The following RABGAP1L variants were observed in gnomAD, a reference collection of about 807,000 sequenced individuals.
RABGAP1L encodes the protein rab GTPase-activating protein 1-like.
In RABGAP1L, 63 loss-of-function variants were observed where a neutral mutation model predicts 137.7. The ratio of observed to expected loss-of-function variants is 0.46; its 90% CI spans 0.37 to 0.56. The LOEUF (loss-of-function observed/expected upper bound fraction) is 0.56, where lower values mean the gene tolerates loss of function less well. RABGAP1L is among the 20% of genes least tolerant of loss of function. The pLI, the probability that RABGAP1L is intolerant of heterozygous loss-of-function variation, is 0.00. For missense variants in RABGAP1L, 1,095 were observed against 1,244.0 expected (o/e 0.88, Z 1.80); for synonymous variants, 431 against 433.7 (o/e 0.99, Z 0.08).
intron 19 of RABGAP1L, among the ~76,000 whole-genome samples, chr1:174,905,318 G>T (rs996059529): frequency 1.3e-5 from 2 of 152,124 alleles, no homozygotes; most frequent in South Asian, 4.1e-4. Flanking sequence ...TAAGATCTGT[G>T]ACCTAGCATT....
At chr1:174,437,885 A>G (rs1397752253) in intron 13 of RABGAP1L, among the ~76,000 whole-genome samples, 7 of 152,158 alleles carry the variant, frequency 4.6e-5, no homozygotes, top group Admixed American at 4.6e-4. Context: ...CAGAAACCCT[A>G]CAAGCCAGAA....
At chr1:174,783,853 C>T (rs1469558866) in intron 18 of RABGAP1L, among the ~76,000 whole-genome samples, 7 of 150,544 alleles carry the variant, frequency 4.6e-5, no homozygotes, top group Non-Finnish European at 7.4e-5. Context: ...GGACTACAGG[C>T]GCATGCCACC....
chr1:174,233,210 A>G (rs1670835705), intron 4 of RABGAP1L, among the ~76,000 whole-genome samples: 1 of 152,120 alleles, frequency 6.6e-6, no homozygotes, highest in Non-Finnish European at 1.5e-5. Context: ...TTCATTCATC[A>G]AAAGAAGATG....
chr1:174,347,490 TGTGTGTGTG>T (rs1558151264), intron 11 of RABGAP1L, among the ~76,000 whole-genome samples: 4 of 151,434 alleles, frequency 2.6e-5, no homozygotes, highest in African/African-American at 9.7e-5. Flanking sequence ...TGTGTGTGTG[TGTGTGTGTG>T]TTTTTTTCTT....
At chr1:174,452,605 A>G (rs1655562495) in intron 13 of RABGAP1L, among the ~76,000 whole-genome samples, 1 of 152,020 alleles carries the variant, frequency 6.6e-6, no homozygotes, top group Non-Finnish European at 1.5e-5. Context: ...TCTGTTGCCC[A>G]GGCTGGAGTG....
At chr1:174,637,556 A>G (rs919196232) in intron 14 of RABGAP1L, 68 bp downstream of exon 14, 10 of 1,126,930 alleles carry the variant, frequency 8.9e-6, no homozygotes, top group Admixed American at 1.9e-5. Flanking sequence ...CCATTTAAGG[A>G]TTTTTTTACT....
chr1:174,551,010 A>G (rs1666489802), intron 13 of RABGAP1L, among the ~76,000 whole-genome samples: 1 of 126,934 alleles, frequency 7.9e-6, no homozygotes, highest in African/African-American at 3.5e-5. Flanking sequence ...ATATATATAT[A>G]TATATATATA....
At chr1:174,404,645 G>T (rs1258878753) in intron 13 of RABGAP1L, among the ~76,000 whole-genome samples, 2 of 152,032 alleles carry the variant, frequency 1.3e-5, no homozygotes, top group Non-Finnish European at 2.9e-5. Context: ...AGTACCTATT[G>T]TGTGTCAGGT....
intron 19 of RABGAP1L, among the ~76,000 whole-genome samples, chr1:174,850,689 C>T (rs1332798530): frequency 6.6e-6 from 1 of 152,156 alleles, no homozygotes; most frequent in East Asian, 1.9e-4. Context: ...GAATATGATG[C>T]TCTATTACTG....
At chr1:174,513,972 C>CT (rs1662577107) in intron 13 of RABGAP1L, among the ~76,000 whole-genome samples, 1 of 151,958 alleles carries the variant, frequency 6.6e-6, no homozygotes, top group Admixed American at 6.6e-5. Flanking sequence ...TCATGAAAGT[C>CT]AAGAGGAGAG....
At chr1:174,686,294 G>A (rs993722571) in intron 15 of RABGAP1L, among the ~76,000 whole-genome samples, 5 of 152,128 alleles carry the variant, frequency 3.3e-5, no homozygotes, top group Non-Finnish European at 7.4e-5. Flanking sequence ...GTTTCACTTT[G>A]AGGTTGATGG....
chr1:174,697,988 G>A (rs1679386801), intron 15 of RABGAP1L, among the ~76,000 whole-genome samples: 1 of 152,148 alleles, frequency 6.6e-6, no homozygotes, highest in Non-Finnish European at 1.5e-5. Flanking sequence ...TGGGTATTTT[G>A]TGGTTTATAA....
At chr1:174,348,954 G>C (rs866651331) in intron 11 of RABGAP1L, among the ~76,000 whole-genome samples, 3 of 151,940 alleles carry the variant, frequency 2.0e-5, no homozygotes, top group Non-Finnish European at 4.4e-5. Context: ...ATCCTGGCCC[G>C]TTCTCAATGA....
chr1:174,452,332 C>G (rs774697678), intron 13 of RABGAP1L, among the ~76,000 whole-genome samples: 1 of 152,076 alleles, frequency 6.6e-6, no homozygotes, highest in Non-Finnish European at 1.5e-5. Context: ...GTATATGAAA[C>G]TTGGGCTGAG....
chr1:174,915,414 C>G (rs1660688983), intron 19 of RABGAP1L, among the ~76,000 whole-genome samples: 1 of 151,788 alleles, frequency 6.6e-6, no homozygotes, highest in South Asian at 2.1e-4. Flanking sequence ...CTTTTCATGC[C>G]CTTTATATAT....
intron 14 of RABGAP1L, among the ~76,000 whole-genome samples, chr1:174,640,177 C>T (rs192786765): frequency 6.6e-6 from 1 of 152,172 alleles, no homozygotes; most frequent in Admixed American, 6.5e-5. Context: ...ATGTATACAT[C>T]CTACCCTGTA....
intron 7 of RABGAP1L, among the ~76,000 whole-genome samples, chr1:174,263,250 ACTT>A (rs1400434199): frequency 6.6e-6 from 1 of 152,062 alleles, no homozygotes; most frequent in Non-Finnish European, 1.5e-5. Flanking sequence ...AGTCCAACAA[ACTT>A]CTTTGCTATT....
At chr1:174,386,058 A>T (rs1158810303) in intron 12 of RABGAP1L, among the ~76,000 whole-genome samples, 1 of 152,206 alleles carries the variant, frequency 6.6e-6, no homozygotes, top group Non-Finnish European at 1.5e-5. Flanking sequence ...TTGTAGGATA[A>T]TTTGATGAAT....
chr1:174,327,509 T>G (rs1680542193), intron 11 of RABGAP1L, among the ~76,000 whole-genome samples: 1 of 151,336 alleles, frequency 6.6e-6, no homozygotes, highest in Admixed American at 6.6e-5. Context: ...ACAATACAAA[T>G]AAAAAGTAAG....
Sources: gnomAD v4.1 joint callset for allele counts (sites outside exome capture counted in the v4.1 genomes callset) on GRCh38, gnomAD v4.1.1 for gene constraint, MANE v1.5 for transcripts, NCBI Gene and HGNC (gene_info 2026-07-23, HGNC 2026-07-21) for gene names.